The following TLE1 variants were observed in gnomAD, a reference collection of about 807,000 sequenced individuals.
The protein encoded by TLE1 is TLE family member 1, transcriptional corepressor.
In TLE1, 21 loss-of-function variants were observed where a neutral mutation model predicts 89.8. The ratio of observed to expected loss-of-function variants is 0.23; its 90% CI spans 0.17 to 0.34. TLE1 has a LOEUF of 0.34. Among genes scored for constraint, TLE1 ranks in the 10% least tolerant of loss-of-function variants. TLE1 has a pLI of 1.00. For missense variants in TLE1, 795 were observed against 1,031.2 expected (o/e 0.77, Z 3.14); for synonymous variants, 447 against 407.6 (o/e 1.10, Z -1.16).
chr9:81,641,512 T>C (rs918703084), intron 6 of TLE1, among the ~76,000 whole-genome samples: 4 of 152,088 alleles, frequency 2.6e-5, no homozygotes, highest in African/African-American at 9.7e-5. Context: ...ACCTAAGGAA[T>C]GGGAGAAAAT....
intron 8 of TLE1, among the ~76,000 whole-genome samples, chr9:81,628,361 A>G (rs1362769086): frequency 6.6e-6 from 1 of 152,174 alleles, no homozygotes; most frequent in African/African-American, 2.4e-5. Context: ...CTTTGTACAA[A>G]ACTCATGTTC....
At chr9:81,684,146 AT>A (rs1388584171) in intron 4 of TLE1, among the ~76,000 whole-genome samples, 1 of 150,574 alleles carries the variant, frequency 6.6e-6, no homozygotes, top group Admixed American at 6.6e-5. Context: ...TTCAGAGTAA[AT>A]TAAAAAAAAA....
chr9:81,586,733 A>T (rs570616756), intron 17 of TLE1, among the ~76,000 whole-genome samples: 1 of 152,278 alleles, frequency 6.6e-6, no homozygotes, highest in East Asian at 1.9e-4. Context: ...TGCTTTCATA[A>T]ATGCTTGGAC....
intron 6 of TLE1, among the ~76,000 whole-genome samples, chr9:81,645,906 C>T (rs1828802329): frequency 6.6e-6 from 1 of 152,074 alleles, no homozygotes; most frequent in South Asian, 2.1e-4. Context: ...AATTTAAAAA[C>T]ACACAGGTGT....
intron 2 of TLE1, 72 bp downstream of exon 2, chr9:81,687,262 G>C (rs116121939): frequency 7.5e-7 from 1 of 1,332,598 alleles, no homozygotes; most frequent in African/African-American, 1.5e-5. Flanking sequence ...TACAGGCGCC[G>C]CCGCCACCCG....
chr9:81,639,461 T>C (rs1325949836), intron 6 of TLE1, among the ~76,000 whole-genome samples: 1 of 152,196 alleles, frequency 6.6e-6, no homozygotes, highest in Non-Finnish European at 1.5e-5. Flanking sequence ...TTTATTCTTC[T>C]ATCTAGGCAT....
rs1165779785 is a variant in TLE1 at position 81,637,003 on chromosome 9, A to G, written c.373-2702T>C. On this transcript the variant is annotated intron_variant, in intron 6 of 19. Coordinates refer to ENST00000376499, the MANE Select transcript of TLE1 (RefSeq NM_005077.5). ...GGACGACAGAGGGAGACTCCGTCTC[A>G]AAAAAAAAAAAAAGAAAAAAGAAAA... is the stretch of plus-strand genomic sequence containing the variant. Among the ~76,000 whole-genome samples the G allele has an allele frequency of 6.8e-5, 9 of 132,668 alleles. No individual in the cohort carries two copies. The South Asian group carries it at 2.0e-3, about 30-fold the overall frequency. The allele number at this position is 132,668 out of a possible 152,430, so 87.0% of individuals were successfully genotyped here.
chr9:81,679,030 C>G (rs960159180), intron 4 of TLE1, among the ~76,000 whole-genome samples: 1 of 152,088 alleles, frequency 6.6e-6, no homozygotes, highest in African/African-American at 2.4e-5. Context: ...CGCCTGTAAT[C>G]CCAGCTATTC....
chr9:81,666,870 G>A (rs1394011925), intron 4 of TLE1, among the ~76,000 whole-genome samples: 1 of 152,072 alleles, frequency 6.6e-6, no homozygotes, highest in Non-Finnish European at 1.5e-5. Flanking sequence ...ACATCTATCA[G>A]CACTTTTGAG....
At chr9:81,653,167 G>T (rs1829762839) in intron 5 of TLE1, among the ~76,000 whole-genome samples, 1 of 152,224 alleles carries the variant, frequency 6.6e-6, no homozygotes, top group African/African-American at 2.4e-5. Flanking sequence ...GGTTATGGTG[G>T]AAGAGGCTGT....
intron 4 of TLE1, among the ~76,000 whole-genome samples, chr9:81,654,365 G>C (rs556445740): frequency 6.6e-5 from 10 of 151,360 alleles, no homozygotes; most frequent in South Asian, 2.1e-4. Context: ...TTTTGAGACA[G>C]AGTCTTGCTC....
At chr9:81,650,163 T>C (rs1045041670) in intron 6 of TLE1, among the ~76,000 whole-genome samples, 1 of 152,152 alleles carries the variant, frequency 6.6e-6, no homozygotes, top group Non-Finnish European at 1.5e-5. Flanking sequence ...ATTCGTAAAA[T>C]TAGAAATTCA....
At chr9:81,666,956 G>A (rs1831545341) in intron 4 of TLE1, among the ~76,000 whole-genome samples, 1 of 151,818 alleles carries the variant, frequency 6.6e-6, no homozygotes, top group Non-Finnish European at 1.5e-5. Context: ...CATTTCTACA[G>A]AAAAAATTTA....
intron 4 of TLE1, among the ~76,000 whole-genome samples, chr9:81,658,917 TA>T (rs1260864895): frequency 6.6e-6 from 1 of 152,050 alleles, no homozygotes; most frequent in African/African-American, 2.4e-5. Flanking sequence ...TCTATTTATT[TA>T]TTTTTTTTTT....
At chr9:81,630,760 A>G (rs72747266) in intron 8 of TLE1, among the ~76,000 whole-genome samples, 2,946 of 152,338 alleles carry the variant, frequency 0.019, 42 homozygotes, top group South Asian at 0.056. Context: ...TATTAAATAG[A>G]TAAGTACTAT....
At chr9:81,633,270 GTGT>G (rs55711271) in intron 8 of TLE1, 75 bp downstream of exon 8, 59,511 of 1,590,286 alleles carry the variant, frequency 0.037, 1,762 homozygotes, top group South Asian at 0.052. Flanking sequence ...GTGTGGAGAA[GTGT>G]TGTCAGAAGG....
intron 6 of TLE1, among the ~76,000 whole-genome samples, chr9:81,648,903 G>A (rs894268772): frequency 9.2e-5 from 14 of 152,138 alleles, no homozygotes; most frequent in East Asian, 7.7e-4. Flanking sequence ...CCCACAATGC[G>A]ACTTGTTTTC....
chr9:81,616,224 G>A, intron 10 of TLE1, 90 bp from the exon 11 acceptor site: 1 of 1,486,736 alleles, frequency 6.7e-7, no homozygotes, highest in South Asian at 1.3e-5. Context: ...TTTAAGGACA[G>A]AGCTGAAAGT....
intron 1 of TLE1, 42 bp downstream of exon 1, chr9:81,688,175 C>A: frequency 6.2e-7 from 1 of 1,601,464 alleles, no homozygotes; most frequent in Non-Finnish European, 8.5e-7. Flanking sequence ...AAGCGCCTCC[C>A]CAACGATCCT....
Sources: gnomAD v4.1 joint callset for allele counts (sites outside exome capture counted in the v4.1 genomes callset) on GRCh38, gnomAD v4.1.1 for gene constraint, MANE v1.5 for transcripts, NCBI Gene and HGNC (gene_info 2026-07-23, HGNC 2026-07-21) for gene names.